Variants in EPC2 observed in about 807,000 individuals in gnomAD.
EPC2 encodes enhancer of polycomb 2.
Under a neutral mutation model 92.1 loss-of-function variants are expected in EPC2, and 14 were observed. The observed-to-expected ratio is 0.15, with a 90% CI of 0.10 to 0.24. EPC2 has a LOEUF of 0.24. Ranked by LOEUF, EPC2 falls within the 10% of genes least tolerant of loss-of-function variation. The pLI, the probability that EPC2 is intolerant of heterozygous loss-of-function variation, is 1.00. For synonymous variants in EPC2, 340 were observed against 334.7 expected (o/e 1.02, Z -0.17); for missense variants, 755 against 971.5 (o/e 0.78, Z 2.96).
At chr2:148,761,460 G>A (rs1002012165) in intron 4 of EPC2, among the ~76,000 whole-genome samples, 7 of 152,120 alleles carry the variant, frequency 4.6e-5, no homozygotes, top group South Asian at 2.1e-4. Flanking sequence ...TTTCCTACAC[G>A]CTGAATGGAC....
intron 1 of EPC2, among the ~76,000 whole-genome samples, chr2:148,655,109 G>T (rs1680763879): frequency 6.6e-6 from 1 of 152,084 alleles, no homozygotes; most frequent in Admixed American, 6.6e-5. Flanking sequence ...TCTCAACTGG[G>T]GCACTATTAG....
chr2:148,646,335 A>G (rs1286491353), intron 1 of EPC2, among the ~76,000 whole-genome samples: 1 of 152,188 alleles, frequency 6.6e-6, no homozygotes, highest in Non-Finnish European at 1.5e-5. Context: ...TACCCTGTTA[A>G]TACTACTTTG....
intron 1 of EPC2, among the ~76,000 whole-genome samples, chr2:148,679,848 A>G (rs1681358825): frequency 2.0e-5 from 3 of 152,076 alleles, no homozygotes; most frequent in Admixed American, 6.6e-5. Context: ...TAGTCTCACC[A>G]TGTTGCCCAG....
chr2:148,726,428 C>T (rs1330823725), intron 2 of EPC2, among the ~76,000 whole-genome samples: 2 of 152,120 alleles, frequency 1.3e-5, no homozygotes. Flanking sequence ...TTCTTACCAG[C>T]AGTGCACAGT....
chr2:148,684,437 A>G (rs1287053709), intron 1 of EPC2, among the ~76,000 whole-genome samples: 3 of 152,166 alleles, frequency 2.0e-5, no homozygotes, highest in African/African-American at 7.2e-5. Flanking sequence ...CAATGTGTAG[A>G]AGAGTTTTTC....
At position 148,694,224 on chromosome 2, in the gene EPC2, G is replaced by A. The variant is rs114189841; in HGVS notation, c.313+3851G>A. Among the ~76,000 whole-genome samples the A allele has an allele frequency of 7.1e-3, 1,087 of 152,280 alleles. 6 individuals are homozygous for A. Among genetic ancestry groups the A allele is most frequent in the African/African-American group, 0.025 (1,021 of 41,548 alleles). On this transcript the variant is annotated intron_variant, in intron 2 of 13. Transcript: ENST00000258484. ...CAACCCGCTGTGTTAGAAATTAAAA[G>A]GTGAGTTCTGTTATTCACCAACTGT...
intron 3 of EPC2, among the ~76,000 whole-genome samples, chr2:148,746,059 T>G (rs1211291760): frequency 6.6e-6 from 1 of 152,092 alleles, no homozygotes. Flanking sequence ...TTGTTTCTCA[T>G]GACCATTCCT....
intron 2 of EPC2, among the ~76,000 whole-genome samples, chr2:148,710,265 T>G (rs987998558): frequency 5.3e-5 from 8 of 152,322 alleles, no homozygotes; most frequent in African/African-American, 1.9e-4. Context: ...TCATCACTGG[T>G]CATCAGAGAA....
chr2:148,761,865 G>A lies in EPC2; in HGVS notation c.750G>A (p.Met250Ile), dbSNP rs1274485512. 1 of 1,595,942 alleles carries A rather than the reference G, an allele frequency of 6.3e-7. No homozygotes were observed. Among genetic ancestry groups the A allele is most frequent in the Admixed American group, 1.8e-5 (1 of 56,618 alleles). Residue 250 changes from methionine to isoleucine, a missense_variant, in exon 5 of 14, where the codon ATG (methionine) becomes ATA (isoleucine). By Grantham distance (10) the Met-to-Ile change is conservative. Around this residue, in one of 4 missense-constraint regions of EPC2, gnomAD observed 509 missense variants for 607.7 expected, o/e 0.84. Coordinates refer to ENST00000258484, the MANE Select transcript of EPC2 (RefSeq NM_015630.4). ...EFSRAITILE[M>I]IKRREKTKRE... Reference sequence around the variant, plus strand: ...GTAGAGCCATAACAATTTTGGAAATGATTAAGAGAAGAGAGAAAACAAAAC... The same window carrying A: ...GTAGAGCCATAACAATTTTGGAAATAATTAAGAGAAGAGAGAAAACAAAAC...
At chr2:148,785,570 C>T (rs1683850905) in intron 13 of EPC2, among the ~76,000 whole-genome samples, 1 of 152,160 alleles carries the variant, frequency 6.6e-6, no homozygotes, top group Admixed American at 6.5e-5. Context: ...TGGTGATCCA[C>T]CCGCCTCAGC....
rs12464686 is a variant in EPC2 at position 148,715,313 on chromosome 2, G to A, written c.313+24940G>A. 1.9e-3 allele frequency among the ~76,000 whole-genome samples: 286 copies of A among 152,254 alleles called. 2 individuals are homozygous for A. The highest frequency in any genetic ancestry group is 3.1e-3 in the Non-Finnish European group (209 of 68,018). On this transcript the variant is annotated intron_variant, in intron 2 of 13. Coordinates refer to ENST00000258484, the MANE Select transcript of EPC2 (RefSeq NM_015630.4). The stretch of plus-strand genomic sequence containing the variant: ...CTCCCAAATTGCTGGGATTACAGGC[G>A]AGAGCCACTGCGCCCAGCCTCTTCT...
At chr2:148,646,492 TACAC>T (rs1336562129) in intron 1 of EPC2, among the ~76,000 whole-genome samples, 1 of 152,088 alleles carries the variant, frequency 6.6e-6, no homozygotes, top group African/African-American at 2.4e-5. Flanking sequence ...TACACGCACA[TACAC>T]ATATATATTT....
Position 148,781,824 on chromosome 2 carries a change from A to G in EPC2, c.1857+44A>G, listed in dbSNP as rs761013759. 8 of 1,607,822 alleles carry G rather than the reference A, an allele frequency of 5.0e-6. No individual in the cohort carries two copies. The South Asian group carries it at 7.8e-5, about 16-fold the overall frequency. On this transcript the variant is annotated intron_variant, in intron 11 of 13. Transcript: ENST00000258484. Reference sequence around the variant, plus strand: ...CATAGTTACGTTTGTTTCTTTCATCATTATGTAGTTTTATTCCATTTTAGT... The same window carrying G: ...CATAGTTACGTTTGTTTCTTTCATCGTTATGTAGTTTTATTCCATTTTAGT...
intron 1 of EPC2, among the ~76,000 whole-genome samples, chr2:148,676,455 A>T (rs1194385066): frequency 1.3e-5 from 2 of 152,088 alleles, no homozygotes; most frequent in South Asian, 2.1e-4. Context: ...ATTTTATAAC[A>T]TTAATATAAT....
Position 148,692,261 on chromosome 2 carries a change from T to G in EPC2, c.313+1888T>G, listed in dbSNP as rs527735230. ...TTCTCACTCTACCTGTCTTCTTTGC[T>G]TATCGTAGTATCTTTTACATACTTC... On this transcript the variant is annotated intron_variant, in intron 2 of 13. Coordinates refer to ENST00000258484, the MANE Select transcript of EPC2 (RefSeq NM_015630.4). 1.0e-4 allele frequency: 17 copies of G among 166,334 alleles called. No homozygotes were observed. In the South Asian group the frequency reaches 2.5e-3, roughly 25 times the overall value. The allele number at this position is 166,334 out of a possible 1,614,324, so 10.3% of individuals were successfully genotyped here. A position where few individuals can be genotyped will look rare whatever the true frequency, so the allele number is the denominator to read the frequency against.
chr2:148,746,442 G>T (rs1267214110), intron 3 of EPC2, among the ~76,000 whole-genome samples: 2 of 151,910 alleles, frequency 1.3e-5, no homozygotes, highest in East Asian at 3.9e-4. Flanking sequence ...TCACTTCAGG[G>T]TTTGTCAGGT....
chr2:148,700,498 C>T (rs1001267205), intron 2 of EPC2, among the ~76,000 whole-genome samples: 5 of 149,598 alleles, frequency 3.3e-5, no homozygotes, highest in Admixed American at 6.7e-5. Flanking sequence ...CCCCCCGCCC[C>T]GCATTGAATT....
At chr2:148,664,631 C>G (rs1474703372) in intron 1 of EPC2, among the ~76,000 whole-genome samples, 2 of 152,140 alleles carry the variant, frequency 1.3e-5, no homozygotes, top group African/African-American at 4.8e-5. Flanking sequence ...GATCTCATCC[C>G]CCAATCCCTC....
At chr2:148,711,553 G>T (rs1242701346) in intron 2 of EPC2, among the ~76,000 whole-genome samples, 1 of 151,976 alleles carries the variant, frequency 6.6e-6, no homozygotes, top group Non-Finnish European at 1.5e-5. Flanking sequence ...AGTGTGTTCT[G>T]CTCTTTTTGT....
Sources: allele counts gnomAD v4.1 joint callset (sites outside exome capture counted in the v4.1 genomes callset), GRCh38; gene constraint gnomAD v4.1.1; regional missense constraint gnomAD v4.1.1; transcripts MANE v1.5; gene names NCBI Gene and HGNC (gene_info 2026-07-23, HGNC 2026-07-21).